The following UBE2D3 variants were observed in gnomAD, a reference collection of about 807,000 sequenced individuals.
The protein encoded by UBE2D3 is ubiquitin-conjugating enzyme E2 D3.
In UBE2D3, 2 loss-of-function variants were observed where a neutral mutation model predicts 22.8. The observed-to-expected ratio is 0.09, with a 90% CI of 0.04 to 0.28. UBE2D3 has a LOEUF of 0.28. Among genes scored for constraint, UBE2D3 ranks in the 10% least tolerant of loss-of-function variants. UBE2D3 has a pLI of 1.00. For synonymous variants in UBE2D3, 56 were observed against 60.4 expected, an observed-to-expected ratio of 0.93 and a Z score of 0.34; for missense variants, 27 against 182.5, an observed-to-expected ratio of 0.15 and a Z score of 4.91.
chr4:102,840,426 G>A (rs944817361), intron 1 of UBE2D3, among the ~76,000 whole-genome samples: 2 of 152,216 alleles, frequency 1.3e-5, no homozygotes, highest in Admixed American at 1.3e-4. Flanking sequence ...AAACATGGAA[G>A]GTACTGGAGA....
intron 1 of UBE2D3, among the ~76,000 whole-genome samples, chr4:102,840,355 G>T (rs1731680832): frequency 6.6e-6 from 1 of 152,208 alleles, no homozygotes; most frequent in Admixed American, 6.5e-5. Context: ...AAGAAAATGT[G>T]TTACCTATGC....
intron 2 of UBE2D3, among the ~76,000 whole-genome samples, chr4:102,814,156 G>A (rs776310292): frequency 2.6e-5 from 4 of 152,004 alleles, no homozygotes; most frequent in South Asian, 4.1e-4. Context: ...AATTCATATC[G>A]CAGTTCAACA....
chr4:102,826,764 G>C (rs1275109452), intron 1 of UBE2D3, 128 bp from the exon 2 acceptor site: 9 of 1,311,882 alleles, frequency 6.9e-6, no homozygotes, highest in Non-Finnish European at 8.7e-6. Flanking sequence ...AACAGCCTCT[G>C]TACCGTGCTT....
At chr4:102,863,050 G>GT (rs369719595) in intron 1 of UBE2D3, among the ~76,000 whole-genome samples, 2,975 of 148,350 alleles carry the variant, frequency 0.02, 83 homozygotes, top group African/African-American at 0.064. Flanking sequence ...GTTTTTCTTT[G>GT]TTTTTTTTTT....
chr4:102,853,135 A>ATCTTTTT lies in UBE2D3; in HGVS notation c.-129+15579_-129+15580insAAAAAGA, dbSNP rs386626793. Among the ~76,000 whole-genome samples the ATCTTTTT allele has an allele frequency of 4.3e-3, 377 of 88,554 alleles. 47 individuals are homozygous for ATCTTTTT. The highest frequency in any genetic ancestry group is 8.3e-3 in the Admixed American group (57 of 6,886). The allele number at this position is 88,554 out of a possible 152,430, so 58.1% of individuals were successfully genotyped here. The stretch of plus-strand genomic sequence containing the variant: ...GTCAAAATTACACACAAACACACAC[A>ATCTTTTT]TTTTTTTTTTTTTTTTTTTTTTTTT... On this transcript the variant is annotated intron_variant, in intron 1 of 7. Coordinates refer to the UBE2D3 transcript ENST00000338145.
intron 1 of UBE2D3, among the ~76,000 whole-genome samples, chr4:102,849,461 T>A (rs1405227731): frequency 6.7e-6 from 1 of 149,546 alleles, no homozygotes; most frequent in Non-Finnish European, 1.5e-5. Context: ...CTAACCACAA[T>A]GTAAGAAAAG....
At chr4:102,826,757 A>C in intron 1 of UBE2D3, 121 bp from the exon 2 acceptor site, 1 of 1,414,890 alleles carries the variant, frequency 7.1e-7, no homozygotes, top group East Asian at 2.7e-5. Flanking sequence ...AGCCACCAAC[A>C]GCCTCTGTAC....
intron 2 of UBE2D3, chr4:102,825,540 T>G: frequency 1.6e-5 from 19 of 1,175,782 alleles, no homozygotes; most frequent in Non-Finnish European, 2.0e-5. Flanking sequence ...CATCTTAAAA[T>G]GCGGGATAGA....
intron 2 of UBE2D3, chr4:102,812,384 T>C (rs146849668): frequency 1.3e-5 from 2 of 152,368 alleles, no homozygotes; most frequent in Non-Finnish European, 2.9e-5. Flanking sequence ...ACTATGGCAC[T>C]GACTTGGTTG....
intron 6 of UBE2D3, among the ~76,000 whole-genome samples, chr4:102,800,933 G>C (rs1476071040): frequency 6.6e-6 from 1 of 151,956 alleles, no homozygotes; most frequent in African/African-American, 2.4e-5. Flanking sequence ...GACCAGAATT[G>C]ATCTACAGAT....
At position 102,826,601 on chromosome 4, in the gene UBE2D3, G is replaced by A. The variant is rs1405982662; in HGVS notation, c.-93C>T. On this transcript the variant is annotated 5_prime_UTR_variant, in exon 2 of 8. Transcript: ENST00000453744. Reference sequence around the variant, plus strand: ...ATTATCCCGGCGGCGGGGCAGGATTGTCTCGTCTCACACCAGCTCTGCCAG... The same window carrying A: ...ATTATCCCGGCGGCGGGGCAGGATTATCTCGTCTCACACCAGCTCTGCCAG... 1 of 1,600,044 alleles carries A rather than the reference G, an allele frequency of 6.2e-7. No individual in the cohort carries two copies. The highest frequency in any genetic ancestry group is 8.5e-7 in the Non-Finnish European group (1 of 1,177,926).
intron 2 of UBE2D3, among the ~76,000 whole-genome samples, chr4:102,818,585 G>A (rs1451285135): frequency 6.6e-6 from 1 of 152,168 alleles, no homozygotes; most frequent in Non-Finnish European, 1.5e-5. Context: ...CAACTGAGTT[G>A]TTTGCCTATT....
intron 2 of UBE2D3, among the ~76,000 whole-genome samples, chr4:102,816,942 C>A: frequency 6.6e-6 from 1 of 152,152 alleles, no homozygotes; most frequent in Non-Finnish European, 1.5e-5. Flanking sequence ...TATACTTTAA[C>A]AACCTACATG....
Position 102,797,325 on chromosome 4 carries a change from G to C in UBE2D3, c.*90C>G. The C allele has an allele frequency of 8.7e-7, 1 of 1,148,518 alleles. No homozygotes were observed. Among genetic ancestry groups the C allele is most frequent in the South Asian group, 1.4e-5 (1 of 70,866 alleles). The allele number at this position is 1,148,518 out of a possible 1,614,324, so 71.1% of individuals were successfully genotyped here. A position where few individuals can be genotyped will look rare whatever the true frequency, so the allele number is the denominator to read the frequency against. ...AATTAAAAAAGATGAGGTCTGATAGGGGAGCAGCCGGATAAGAAAATCAAA... is the reference window on the plus strand; with the variant it reads ...AATTAAAAAAGATGAGGTCTGATAGCGGAGCAGCCGGATAAGAAAATCAAA... On this transcript the variant is annotated 3_prime_UTR_variant, in exon 8 of 8. Coordinates refer to ENST00000453744, the MANE Select transcript of UBE2D3 (RefSeq NM_181891.3).
chr4:102,830,371 A>G (rs762580789), upstream of UBE2D3, among the ~76,000 whole-genome samples: 1 of 152,226 alleles, frequency 6.6e-6, no homozygotes, highest in African/African-American at 2.4e-5. Flanking sequence ...TGCTAACAAG[A>G]AAAAAATTAT....
chr4:102,823,907 G>A (rs1264025839), intron 2 of UBE2D3, among the ~76,000 whole-genome samples: 1 of 152,142 alleles, frequency 6.6e-6, no homozygotes, highest in Non-Finnish European at 1.5e-5. Flanking sequence ...TGAAATGTGG[G>A]ACCTTCAGAC....
At chr4:102,829,086 A>AT (rs1248093538), upstream of UBE2D3, among the ~76,000 whole-genome samples, 1 of 152,236 alleles carries the variant, frequency 6.6e-6, no homozygotes, top group Non-Finnish European at 1.5e-5. Context: ...TCAAGTGACC[A>AT]TGTAGTGTCA....
intron 1 of UBE2D3, among the ~76,000 whole-genome samples, chr4:102,849,316 G>A (rs1270732346): frequency 7.1e-6 from 1 of 140,300 alleles, no homozygotes; most frequent in Non-Finnish European, 1.5e-5. Context: ...GTGAGCCCTG[G>A]TTGTGCCACT....
intron 1 of UBE2D3, among the ~76,000 whole-genome samples, chr4:102,858,595 T>C (rs976940736): frequency 3.0e-4 from 46 of 152,100 alleles, no homozygotes; most frequent in Non-Finnish European, 1.6e-4. Flanking sequence ...AAAAATATTC[T>C]ATTGATATCC....
Sources: gnomAD v4.1 joint callset for allele counts (sites outside exome capture counted in the v4.1 genomes callset) on GRCh38, gnomAD v4.1.1 for gene constraint, MANE v1.5 for transcripts, NCBI Gene and HGNC (gene_info 2026-07-23, HGNC 2026-07-21) for gene names.